The following ARHGEF18 variants were observed in gnomAD, a reference collection of about 807,000 sequenced individuals.
ARHGEF18 encodes the protein Rho/Rac guanine nucleotide exchange factor 18, also known as rho guanine nucleotide exchange factor 18.
ARHGEF18 carries 93 observed loss-of-function variants against 155.7 expected under a neutral mutation model. That is an observed-to-expected ratio of 0.60 (90% CI 0.50 to 0.71). The LOEUF (loss-of-function observed/expected upper bound fraction) is 0.71. ARHGEF18 is among the 30% of genes least tolerant of loss of function. ARHGEF18 has a pLI of 0.00. For synonymous variants in ARHGEF18, 742 were observed against 753.1 expected, an observed-to-expected ratio of 0.99 and a Z score of 0.24; for missense variants, 1,593 against 1,816.1, an observed-to-expected ratio of 0.88 and a Z score of 2.23.
chr19:7,372,709 G>T (rs540343044), intron 2 of ARHGEF18, 103 bp from the exon 3 acceptor site: 2 of 1,147,270 alleles, frequency 1.7e-6, no homozygotes, highest in Admixed American at 8.5e-5. Flanking sequence ...GGGACAGGCA[G>T]GGTCTGGATG....
intron 10 of ARHGEF18, among the ~76,000 whole-genome samples, chr19:7,407,833 G>A (rs1972411774): frequency 6.6e-6 from 1 of 151,866 alleles, no homozygotes; most frequent in African/African-American, 2.4e-5. Flanking sequence ...CGTGGTGGCC[G>A]CGCCTGGAGT....
chr19:7,462,741 G>A lies in ARHGEF18; in HGVS notation c.2635+407G>A, dbSNP rs1379900303. Among the ~76,000 whole-genome samples the A allele has an allele frequency of 6.6e-6, 1 of 151,964 alleles. No individual in the cohort carries two copies. Among genetic ancestry groups the A allele is most frequent in the Non-Finnish European group, 1.5e-5 (1 of 68,010 alleles). On this transcript the variant is annotated intron_variant, in intron 21 of 28. Transcript: ENST00000668164. The surrounding 1 kb of genome is among the most constrained non-coding windows in gnomAD (Gnocchi z 4.4). ...AAACACACGCACACTCCCTCAGTGG[G>A]TCCCCACGCACAGCTCTAACACAGC...
At chr19:7,380,890 A>G in intron 7 of ARHGEF18, 27 bp from the exon 8 acceptor site, 1 of 1,229,932 alleles carries the variant, frequency 8.1e-7, no homozygotes, top group Non-Finnish European at 1.0e-6. Flanking sequence ...CTGCCGACCC[A>G]GGTATCTGTC....
chr19:7,479,508 C>T, the ARHGEF18 span, among the ~76,000 whole-genome samples: 2 of 152,116 alleles, frequency 1.3e-5, no homozygotes, highest in Admixed American at 1.3e-4. Context: ...AAGCCCTGGG[C>T]GCCGGACCCA....
chr19:7,356,768 C>T (rs561850201), intron 1 of ARHGEF18, among the ~76,000 whole-genome samples: 1 of 152,322 alleles, frequency 6.6e-6, no homozygotes, highest in African/African-American at 2.4e-5. Context: ...CCAGCCGCAT[C>T]GCTTAGCCTG....
intron 10 of ARHGEF18, among the ~76,000 whole-genome samples, chr19:7,397,758 G>A (rs1254725260): frequency 1.3e-5 from 2 of 151,582 alleles, no homozygotes; most frequent in Non-Finnish European, 2.9e-5. Context: ...TTTTTTTTGT[G>A]GGGTCTCGCT....
intron 5 of ARHGEF18, 51 bp downstream of exon 5, chr19:7,376,808 G>C: frequency 8.5e-7 from 1 of 1,176,924 alleles, no homozygotes; most frequent in African/African-American, 1.6e-5. Flanking sequence ...GGAAAGAGGA[G>C]CCTGGCCAAC....
In ARHGEF18 at chr19:7,433,329, T is replaced by C. The variant is rs187745228; in HGVS notation, c.968-7015T>C. Among the ~76,000 whole-genome samples, 24 of 151,488 alleles carry C rather than the reference T, an allele frequency of 1.6e-4. No individual in the cohort carries two copies. In the East Asian group the frequency reaches 4.5e-3, roughly 28 times the overall value. ...TAAAAATACAAAAATTAGCTGGGTG[T>C]GGTTGGACACACCTGTAGTCCCAGC... is the stretch of plus-strand genomic sequence containing the variant. On this transcript the variant is annotated intron_variant, in intron 10 of 28. Coordinates refer to ENST00000668164, the MANE Select transcript of ARHGEF18 (RefSeq NM_001367823.1).
At chr19:7,360,195 C>T (rs779984387) in intron 1 of ARHGEF18, among the ~76,000 whole-genome samples, 4 of 151,954 alleles carry the variant, frequency 2.6e-5, no homozygotes, top group Non-Finnish European at 5.9e-5. Flanking sequence ...TGCACAATCA[C>T]ACAACCCTGG....
downstream of ARHGEF18, among the ~76,000 whole-genome samples, chr19:7,474,155 A>G (rs990636871): frequency 9.2e-5 from 14 of 151,950 alleles, no homozygotes; most frequent in Non-Finnish European, 1.3e-4. Flanking sequence ...CCTGGCCAAC[A>G]TGTTGAAACC....
In ARHGEF18 at chr19:7,467,094, G is replaced by T. The variant is rs1451454902; in HGVS notation, c.2985G>T (p.Leu995=). 6.2e-7 allele frequency: 1 copy of T among 1,605,390 alleles called. No homozygotes were observed. The highest frequency in any genetic ancestry group is 1.3e-5 in the African/African-American group (1 of 74,820). The change falls in exon 25 of 29, where the codon CTG becomes CTT. Residue 995 remains leucine, a synonymous_variant. Coordinates refer to ENST00000668164, the MANE Select transcript of ARHGEF18 (RefSeq NM_001367823.1). ...AGCTTGTCCAGCGGATCCAGACACTGTCCCAGCTGCTCCTGAACCTTCAGG... is the reference window on the plus strand; with the variant it reads ...AGCTTGTCCAGCGGATCCAGACACTTTCCCAGCTGCTCCTGAACCTTCAGG... The part of the protein sequence containing the change: ...ESELVQRIQT[L]SQLLLNLQAV...
downstream of ARHGEF18, chr19:7,473,410 C>A (rs899051885): frequency 1.2e-5 from 5 of 405,478 alleles, no homozygotes; most frequent in African/African-American, 1.0e-4. Context: ...TCCCTGTAAT[C>A]CCAGCATTTT....
chr19:7,379,027 T>C, intron 6 of ARHGEF18, 95 bp from the exon 7 acceptor site: 3 of 1,106,096 alleles, frequency 2.7e-6, no homozygotes, highest in Non-Finnish European at 3.4e-6. Context: ...CATCAGGACC[T>C]GAGGCCTGCT....
chr19:7,451,404 CTTT>C (rs35473770), intron 16 of ARHGEF18, 138 bp downstream of exon 16: 4,014 of 373,534 alleles, frequency 0.011, no homozygotes, highest in South Asian at 0.014. Context: ...GGGTTCCTTC[CTTT>C]TTTTTTTTTT....
intron 10 of ARHGEF18, among the ~76,000 whole-genome samples, chr19:7,433,944 A>G (rs1968256): frequency 0.38 from 56,292 of 149,434 alleles, 11,171 homozygotes; most frequent in East Asian, 0.6. Context: ...ACTTGAACCT[A>G]GGAGGCGGAG....
chr19:7,353,723 TGGGA>T (rs1969212422), intron 1 of ARHGEF18, among the ~76,000 whole-genome samples: 3 of 150,214 alleles, frequency 2.0e-5, no homozygotes, highest in Admixed American at 2.0e-4. Flanking sequence ...GAGGCCGAGG[TGGGA>T]GGATCACCTG....
At chr19:7,387,747 G>A (rs1047021248) in intron 10 of ARHGEF18, among the ~76,000 whole-genome samples, 1 of 151,946 alleles carries the variant, frequency 6.6e-6, no homozygotes, top group African/African-American at 2.4e-5. Context: ...TCGGCTCACT[G>A]GAGACTCCGC....
intron 1 of ARHGEF18, among the ~76,000 whole-genome samples, chr19:7,351,360 A>G (rs946161507): frequency 4.6e-5 from 7 of 151,602 alleles, no homozygotes; most frequent in African/African-American, 1.7e-4. Context: ...GTCTTGTTCT[A>G]TTGCCCAGGC....
intron 10 of ARHGEF18, among the ~76,000 whole-genome samples, chr19:7,387,368 A>G (rs896026415): frequency 2.0e-5 from 3 of 151,728 alleles, no homozygotes; most frequent in Non-Finnish European, 4.4e-5. Context: ...TAACCAGGAT[A>G]ATCTCGATCT....
Sources: allele counts gnomAD v4.1 joint callset (sites outside exome capture counted in the v4.1 genomes callset), GRCh38; gene constraint gnomAD v4.1.1; non-coding constraint Gnocchi (gnomAD v3.1); transcripts MANE v1.5; gene names NCBI Gene and HGNC (gene_info 2026-07-23, HGNC 2026-07-21).